The following RARB variants were observed in gnomAD, a reference collection of about 807,000 sequenced individuals.
The protein encoded by RARB is retinoic acid receptor beta.
In RARB, 17 loss-of-function variants were observed where a neutral mutation model predicts 51.9. The ratio of observed to expected loss-of-function variants is 0.33; its 90% CI spans 0.22 to 0.49. RARB has a LOEUF of 0.49. Among genes scored for constraint, RARB ranks in the 20% least tolerant of loss-of-function variants. RARB has a pLI of 0.99. For missense variants in RARB, 369 were observed against 550.8 expected, an observed-to-expected ratio of 0.67 and a Z score of 3.30; for synonymous variants, 215 against 195.4, an observed-to-expected ratio of 1.10 and a Z score of -0.84.
chr3:25,225,391 A>C (rs1048109216), intron 5 of RARB, among the ~76,000 whole-genome samples: 57 of 152,136 alleles, frequency 3.7e-4, no homozygotes, highest in Admixed American at 2.6e-4. Context: ...GTAATATCTG[A>C]GTATCTTCTC....
In RARB at chr3:24,859,036, C is replaced by CAA. The variant is rs1169235713; in HGVS notation, c.-380+304_-380+305dup. ...TGGATGACAGAGCAAGACTCTGTCT[C>CAA]AAAAAAAAAAAAAAAAAAAAAGAAA... is the stretch of plus-strand genomic sequence containing the variant. On this transcript the variant is annotated intron_variant, in intron 2 of 11. Coordinates refer to the RARB transcript ENST00000383772. Among the ~76,000 whole-genome samples, 270 of 50,018 alleles carry CAA rather than the reference C, an allele frequency of 5.4e-3. 6 individuals carry two copies. Among genetic ancestry groups the CAA allele is most frequent in the African/African-American group, 0.014 (212 of 15,418 alleles). 32.8% of individuals were successfully genotyped at this position (50,018 alleles called of 152,430 possible).
intron 5 of RARB, among the ~76,000 whole-genome samples, chr3:25,203,275 A>G (rs1459162811): frequency 1.3e-5 from 2 of 151,590 alleles, no homozygotes; most frequent in South Asian, 2.1e-4. Context: ...TTTGTTTTCC[A>G]TTTGCTTGGT....
At chr3:25,577,016 A>G (rs892255567) in intron 4 of RARB, among the ~76,000 whole-genome samples, 3 of 152,210 alleles carry the variant, frequency 2.0e-5, no homozygotes, top group African/African-American at 7.2e-5. Context: ...TAGCCACCTG[A>G]TGGAAGCATC....
chr3:25,286,381 C>A (rs186483278), intron 5 of RARB, among the ~76,000 whole-genome samples: 1 of 152,286 alleles, frequency 6.6e-6, no homozygotes, highest in Admixed American at 6.5e-5. Context: ...AGACACTGTG[C>A]CCAGCCCAAC....
intron 2 of RARB, among the ~76,000 whole-genome samples, chr3:25,005,705 G>A (rs879594989): frequency 6.6e-6 from 1 of 152,132 alleles, no homozygotes. Flanking sequence ...ACAAGAGTAT[G>A]ACTACTCGAA....
intron 5 of RARB, among the ~76,000 whole-genome samples, chr3:25,402,388 G>C (rs1010345154): frequency 6.6e-6 from 1 of 152,188 alleles, no homozygotes; most frequent in Non-Finnish European, 1.5e-5. Flanking sequence ...AGGGAGAACA[G>C]TTTGGAGGTT....
chr3:25,407,421 A>G (rs1157287615), intron 5 of RARB, among the ~76,000 whole-genome samples: 1 of 152,208 alleles, frequency 6.6e-6, no homozygotes, highest in Non-Finnish European at 1.5e-5. Context: ...TAGGGAGGAC[A>G]CTTCACATTT....
chr3:25,053,318 G>A (rs1210424636), intron 2 of RARB, among the ~76,000 whole-genome samples: 1 of 152,012 alleles, frequency 6.6e-6, no homozygotes, highest in African/African-American at 2.4e-5. Flanking sequence ...ATCATACATG[G>A]TCACCTACCT....
chr3:25,351,738 T>C (rs1221924924), intron 5 of RARB, among the ~76,000 whole-genome samples: 1 of 152,172 alleles, frequency 6.6e-6, no homozygotes, highest in African/African-American at 2.4e-5. Flanking sequence ...TTTCCCTTGT[T>C]CCATCCCCAT....
chr3:25,229,775 G>T (rs910360510), intron 5 of RARB, among the ~76,000 whole-genome samples: 13 of 147,378 alleles, frequency 8.8e-5, no homozygotes, highest in Non-Finnish European at 1.5e-4. Context: ...GGAGAACAGT[G>T]TGTAGCCAAT....
intron 2 of RARB, among the ~76,000 whole-genome samples, chr3:25,495,109 A>G (rs985743792): frequency 2.0e-5 from 3 of 152,232 alleles, no homozygotes; most frequent in Non-Finnish European, 4.4e-5. Flanking sequence ...TCACCAGGCC[A>G]GTATCTAAAC....
intron 3 of RARB, among the ~76,000 whole-genome samples, chr3:25,110,542 T>C (rs1699584708): frequency 6.6e-6 from 1 of 152,178 alleles, no homozygotes; most frequent in Non-Finnish European, 1.5e-5. Flanking sequence ...ATATTAAGAC[T>C]TCATCCAACA....
intron 3 of RARB, among the ~76,000 whole-genome samples, chr3:25,077,549 G>T (rs1382202151): frequency 6.6e-6 from 1 of 152,080 alleles, no homozygotes; most frequent in African/African-American, 2.4e-5. Flanking sequence ...AGTAGTCAAT[G>T]GTACTAATAT....
At chr3:25,207,205 G>C (rs753727133) in intron 5 of RARB, among the ~76,000 whole-genome samples, 138 of 152,140 alleles carry the variant, frequency 9.1e-4, no homozygotes, top group Non-Finnish European at 1.0e-3. Context: ...TTTGCCTGGA[G>C]ATATAGTTCC....
intron 5 of RARB, among the ~76,000 whole-genome samples, chr3:25,386,690 C>T (rs1271816010): frequency 6.6e-6 from 1 of 152,030 alleles, no homozygotes; most frequent in Non-Finnish European, 1.5e-5. Flanking sequence ...GGAGTTGTAC[C>T]TTCTACTTAA....
chr3:25,117,552 ACAAT>A (rs1196225565), intron 3 of RARB, among the ~76,000 whole-genome samples: 1 of 152,186 alleles, frequency 6.6e-6, no homozygotes, highest in Admixed American at 6.5e-5. Flanking sequence ...AGCATGACTG[ACAAT>A]CAGAGAATAG....
intron 4 of RARB, among the ~76,000 whole-genome samples, chr3:25,159,415 C>CCCCT (rs1553638601): frequency 6.6e-6 from 1 of 150,802 alleles, no homozygotes; most frequent in African/African-American, 2.4e-5. Flanking sequence ...ATGATCCACC[C>CCCCT]CCCCCGCTCC....
intron 2 of RARB, among the ~76,000 whole-genome samples, chr3:24,939,755 G>T (rs1056174633): frequency 1.3e-5 from 2 of 152,154 alleles, no homozygotes; most frequent in African/African-American, 2.4e-5. Context: ...ACTCTTCTGG[G>T]CTTCCATTGT....
chr3:25,304,244 A>G (rs911854425), intron 5 of RARB, among the ~76,000 whole-genome samples: 3 of 152,156 alleles, frequency 2.0e-5, no homozygotes, highest in Admixed American at 2.0e-4. Flanking sequence ...GTGCTTTCTA[A>G]GAAGGCTTCT....
Sources: allele counts gnomAD v4.1 joint callset (sites outside exome capture counted in the v4.1 genomes callset), GRCh38; gene constraint gnomAD v4.1.1; transcripts MANE v1.5; gene names NCBI Gene and HGNC (gene_info 2026-07-23, HGNC 2026-07-21).